MSRA: variants seen among roughly 807,000 people sequenced by gnomAD.
MSRA encodes the protein methionine sulfoxide reductase A.
A neutral mutation model predicts 31.3 loss-of-function variants in MSRA; 54 were observed. That is an observed-to-expected ratio of 1.73 (90% CI 1.39 to 2.17). MSRA has a LOEUF of 2.17. MSRA is among the 30% of genes most tolerant of loss of function. The probability of loss-of-function intolerance (pLI) is 0.00; values close to 1 mark genes in which losing one functional copy is unlikely to be tolerated. For synonymous variants in MSRA, 169 were observed against 116.5 expected, an observed-to-expected ratio of 1.45 and a Z score of -2.90; for missense variants, 507 against 300.9, an observed-to-expected ratio of 1.69 and a Z score of -5.07.
intron 3 of MSRA, among the ~76,000 whole-genome samples, chr8:10,270,915 T>C (rs774826538): frequency 3.9e-5 from 6 of 152,216 alleles, no homozygotes; most frequent in Non-Finnish European, 8.8e-5. Context: ...TCCCCACAGC[T>C]TGGCTTTGCC....
chr8:10,125,119 T>G (rs1585203701), intron 1 of MSRA, among the ~76,000 whole-genome samples: 1 of 152,186 alleles, frequency 6.6e-6, no homozygotes, highest in South Asian at 2.1e-4. Flanking sequence ...GACTTCCAGA[T>G]TTTGAGGATA....
intron 5 of MSRA, among the ~76,000 whole-genome samples, chr8:10,401,556 G>A (rs142597355): frequency 8.1e-4 from 123 of 152,140 alleles, no homozygotes; most frequent in Non-Finnish European, 1.4e-3. Context: ...GCAATCTCAC[G>A]CCTATGTATA....
chr8:10,148,172 C>A (rs912509045), intron 1 of MSRA, among the ~76,000 whole-genome samples: 4 of 152,164 alleles, frequency 2.6e-5, no homozygotes, highest in African/African-American at 9.7e-5. Flanking sequence ...AGATAATATT[C>A]TATTTCTGGA....
intron 5 of MSRA, among the ~76,000 whole-genome samples, chr8:10,418,838 A>AAC (rs1563459639): frequency 8.6e-5 from 6 of 69,422 alleles, no homozygotes; most frequent in African/African-American, 2.7e-4. Flanking sequence ...AAAAAAAAAA[A>AAC]CCAACAAAAA....
intron 1 of MSRA, among the ~76,000 whole-genome samples, chr8:10,153,200 T>C (rs958642555): frequency 9.2e-5 from 14 of 152,282 alleles, no homozygotes; most frequent in African/African-American, 2.6e-4. Flanking sequence ...GAGTGAAGCT[T>C]ATTAAGGATA....
At chr8:10,186,834 AAAACC>A (rs1807097807) in intron 1 of MSRA, among the ~76,000 whole-genome samples, 1 of 152,210 alleles carries the variant, frequency 6.6e-6, no homozygotes, top group Admixed American at 6.5e-5. Flanking sequence ...TGTTAGATTT[AAAACC>A]TATATGTCAT....
At chr8:10,279,602 A>C (rs2952256) in intron 3 of MSRA, among the ~76,000 whole-genome samples, 100,512 of 151,984 alleles carry the variant, frequency 0.66, 33,624 homozygotes, top group Admixed American at 0.74. Context: ...CCCCACCCCT[A>C]GCAAGGTTGA....
intron 2 of MSRA, among the ~76,000 whole-genome samples, chr8:10,220,319 C>T (rs1810379940): frequency 6.6e-6 from 1 of 152,162 alleles, no homozygotes; most frequent in Non-Finnish European, 1.5e-5. Context: ...ATGGAGGTCC[C>T]ACCCTATATC....
chr8:10,096,501 T>G (rs1051168681), intron 1 of MSRA, among the ~76,000 whole-genome samples: 4 of 152,214 alleles, frequency 2.6e-5, no homozygotes, highest in African/African-American at 9.6e-5. Context: ...GAATAGAAAT[T>G]TAAATCTTTT....
intron 1 of MSRA, among the ~76,000 whole-genome samples, chr8:10,160,836 A>G (rs1804576005): frequency 1.3e-5 from 2 of 152,212 alleles, no homozygotes; most frequent in Admixed American, 1.3e-4. Flanking sequence ...CCGAGATTTC[A>G]TTTTTAAAAA....
At chr8:10,413,720 G>T (rs193166741) in intron 5 of MSRA, among the ~76,000 whole-genome samples, 1 of 148,790 alleles carries the variant, frequency 6.7e-6, no homozygotes, top group Admixed American at 6.7e-5. Flanking sequence ...TTAAAAAATC[G>T]CCAGAAGGGC....
At chr8:10,382,609 A>C (rs907083462) in intron 5 of MSRA, among the ~76,000 whole-genome samples, 9 of 152,288 alleles carry the variant, frequency 5.9e-5, no homozygotes, top group African/African-American at 2.2e-4. Context: ...GCATCTCATG[A>C]AAACCTGGCC....
At position 10,245,237 on chromosome 8, in the gene MSRA, G is replaced by A; in HGVS notation, c.331+14G>A. 6.2e-7 allele frequency: 1 copy of A among 1,611,628 alleles called. No homozygotes were observed. Among genetic ancestry groups the A allele is most frequent in the Non-Finnish European group, 8.5e-7 (1 of 1,178,970 alleles). ...AAGTCTGCTCAGGTAGGAAGAATTT[G>A]CTTTATTGTATTACTAGGAGAAACA... is the stretch of plus-strand genomic sequence containing the variant. On this transcript the variant is annotated intron_variant, in intron 3 of 5. Coordinates refer to ENST00000317173, the MANE Select transcript of MSRA (RefSeq NM_012331.5).
rs554144548 is a variant in MSRA at position 10,302,362 on chromosome 8, T to C, written c.436+724T>C. Among the ~76,000 whole-genome samples the C allele has an allele frequency of 2.6e-5, 4 of 152,392 alleles. No homozygotes were observed. The South Asian group carries it at 8.3e-4, about 32-fold the overall frequency. On this transcript the variant is annotated intron_variant, in intron 4 of 5. Coordinates refer to ENST00000317173, the MANE Select transcript of MSRA (RefSeq NM_012331.5). ...TTGCCAGTGTGATGATCTGATATTA[T>C]GCAGCTTATGAACTGAAAAGTCCTA...
At chr8:10,300,104 A>G (rs1440843736) in intron 3 of MSRA, among the ~76,000 whole-genome samples, 2 of 148,566 alleles carry the variant, frequency 1.3e-5, no homozygotes, top group African/African-American at 5.1e-5. Context: ...GCATGCTGTA[A>G]TGAATGCAGT....
intron 1 of MSRA, among the ~76,000 whole-genome samples, chr8:10,197,840 G>A (rs1808129013): frequency 6.6e-6 from 1 of 152,188 alleles, no homozygotes; most frequent in African/African-American, 2.4e-5. Flanking sequence ...AACAGCTTGA[G>A]TGTGCGTCAC....
At chr8:10,103,652 G>A (rs1201142614) in intron 1 of MSRA, among the ~76,000 whole-genome samples, 1 of 152,128 alleles carries the variant, frequency 6.6e-6, no homozygotes, top group African/African-American at 2.4e-5. Context: ...TAAAGATAAT[G>A]TACCTAATTC....
intron 1 of MSRA, among the ~76,000 whole-genome samples, chr8:10,174,427 C>G (rs1170938571): frequency 6.6e-6 from 1 of 152,130 alleles, no homozygotes; most frequent in Admixed American, 6.5e-5. Context: ...GTCACGCAAC[C>G]ATGCTTTTCC....
In MSRA at chr8:10,428,248, A is replaced by G; in HGVS notation, c.644A>G (p.Asn215Ser). 6.2e-7 allele frequency: 1 copy of G among 1,614,090 alleles called. No individual in the cohort carries two copies. Among genetic ancestry groups the G allele is most frequent in the Non-Finnish European group, 8.5e-7 (1 of 1,180,012 alleles). The change falls in exon 6 of 6, where the codon AAC becomes AGC. Residue 215 changes from asparagine to serine, a missense_variant. Coordinates refer to ENST00000317173, the MANE Select transcript of MSRA (RefSeq NM_012331.5). ...TACCACCAGCAGTACCTGAGCAAGA[A>G]CCCCAATGGCTACTGCGGCCTTGGG... ...EDYHQQYLSKNPNGYCGLGGT... is the reference protein window; with the variant it reads ...EDYHQQYLSKSPNGYCGLGGT...
Sources: gnomAD v4.1 joint callset for allele counts (sites outside exome capture counted in the v4.1 genomes callset) on GRCh38, gnomAD v4.1.1 for gene constraint, MANE v1.5 for transcripts, NCBI Gene and HGNC (gene_info 2026-07-23, HGNC 2026-07-21) for gene names.